Variants in PARD3B observed in about 807,000 individuals in gnomAD.
PARD3B encodes partitioning defective 3 homolog B.
In PARD3B, 103 loss-of-function variants were observed where a neutral mutation model predicts 130.2. The ratio of observed to expected loss-of-function variants is 0.79; its 90% CI spans 0.67 to 0.93. PARD3B has a LOEUF of 0.93. Among genes scored for constraint, PARD3B ranks in the 40% least tolerant of loss-of-function variants. The probability of loss-of-function intolerance (pLI) is 0.00; values close to 1 mark genes in which losing one functional copy is unlikely to be tolerated. For synonymous variants in PARD3B, 583 were observed against 553.2 expected, an observed-to-expected ratio of 1.05 and a Z score of -0.76; for missense variants, 1,609 against 1,499.2, an observed-to-expected ratio of 1.07 and a Z score of -1.21.
At chr2:205,559,100 G>A (rs966580587) in intron 22 of PARD3B, among the ~76,000 whole-genome samples, 6 of 152,114 alleles carry the variant, frequency 3.9e-5, no homozygotes, top group Non-Finnish European at 5.9e-5. Context: ...CTCTACCCAG[G>A]TGGAGGCCTA....
chr2:204,766,713 A>G (rs947314170), intron 2 of PARD3B, among the ~76,000 whole-genome samples: 22 of 152,106 alleles, frequency 1.4e-4, no homozygotes, highest in African/African-American at 5.3e-4. Flanking sequence ...AACTAAAAAA[A>G]AATTTGAGGA....
At chr2:205,326,555 A>G (rs1174317056) in intron 18 of PARD3B, among the ~76,000 whole-genome samples, 2 of 152,206 alleles carry the variant, frequency 1.3e-5, no homozygotes, top group East Asian at 1.9e-4. Context: ...TATCATCTCT[A>G]TGACCACTTT....
intron 2 of PARD3B, among the ~76,000 whole-genome samples, chr2:204,918,528 G>T (rs1292703132): frequency 6.6e-6 from 1 of 150,764 alleles, no homozygotes; most frequent in East Asian, 1.9e-4. Flanking sequence ...TACTTGGGAG[G>T]CTGAGGCAGG....
At chr2:205,009,914 G>A (rs1348610026) in intron 3 of PARD3B, among the ~76,000 whole-genome samples, 1 of 152,084 alleles carries the variant, frequency 6.6e-6, no homozygotes, top group African/African-American at 2.4e-5. Flanking sequence ...TCAGTATTTA[G>A]CCAGGCATTG....
At position 205,233,590 on chromosome 2, in the gene PARD3B, G is replaced by A. The variant is rs1286835199; in HGVS notation, c.2141-12188G>A. On this transcript the variant is annotated intron_variant, in intron 15 of 22. Coordinates refer to ENST00000406610, the MANE Select transcript of PARD3B (RefSeq NM_001302769.2). ...CAATAACAGCACAGAGGCTGTGAGG[G>A]GAGACATTGAAATACAGATCCCTCT... Among the ~76,000 whole-genome samples the A allele has an allele frequency of 2.0e-5, 3 of 152,074 alleles. No homozygotes were observed. In the East Asian group the frequency reaches 5.8e-4, roughly 29 times the overall value.
chr2:205,437,443 G>GT (rs1369068273), intron 19 of PARD3B, among the ~76,000 whole-genome samples: 1 of 152,176 alleles, frequency 6.6e-6, no homozygotes, highest in Admixed American at 6.6e-5. Context: ...ATCTAGGCCA[G>GT]TACAGTCCAA....
chr2:204,943,261 A>G lies in PARD3B; in HGVS notation c.223-21891A>G, dbSNP rs1689057716. On this transcript the variant is annotated intron_variant, in intron 2 of 22. Transcript: ENST00000406610. The surrounding 1 kb of genome is among the most constrained non-coding windows in gnomAD (Gnocchi z 4.2). ...GTTTCTCTCTGCTTTTCTCAAACCT[A>G]ATTATTTTCTCTCCTAAAAGGACGG... 6.6e-6 allele frequency among the ~76,000 whole-genome samples: 1 copy of G among 151,806 alleles called. No individual in the cohort carries two copies. Among genetic ancestry groups the G allele is most frequent in the African/African-American group, 2.4e-5 (1 of 41,298 alleles).
chr2:205,206,217 T>C (rs1237217901), intron 15 of PARD3B, among the ~76,000 whole-genome samples: 19 of 85,060 alleles, frequency 2.2e-4, no homozygotes, highest in Admixed American at 1.0e-3. Context: ...TTTTTTTTTC[T>C]TTTTTTTTTT....
At chr2:204,763,426 A>C (rs1382245574) in intron 2 of PARD3B, among the ~76,000 whole-genome samples, 1 of 149,700 alleles carries the variant, frequency 6.7e-6, no homozygotes, top group Non-Finnish European at 1.5e-5. Flanking sequence ...TTGCCTAAAT[A>C]AATTAGCTTC....
intron 2 of PARD3B, among the ~76,000 whole-genome samples, chr2:204,913,421 G>A (rs905271667): frequency 7.2e-5 from 11 of 152,110 alleles, no homozygotes; most frequent in South Asian, 4.1e-4. Flanking sequence ...GAGATAATGC[G>A]TGCAAAAGTG....
chr2:205,530,852 C>T lies in PARD3B; in HGVS notation c.3181-22472C>T, dbSNP rs1001700863. 1.3e-5 allele frequency among the ~76,000 whole-genome samples: 2 copies of T among 152,092 alleles called. No homozygotes were observed. The highest frequency in any genetic ancestry group is 4.8e-5 in the African/African-American group (2 of 41,408). On this transcript the variant is annotated intron_variant, in intron 21 of 22. Transcript: ENST00000406610. The surrounding 1 kb of genome is among the most constrained non-coding windows in gnomAD (Gnocchi z 4.7). The stretch of plus-strand genomic sequence containing the variant: ...GAAACGATGACTCTAGAGGCATGAC[C>T]CACCTGGATAAGAATTGTTGTAAAG...
chr2:205,113,023 T>C (rs1349988499), intron 5 of PARD3B, among the ~76,000 whole-genome samples: 2 of 152,196 alleles, frequency 1.3e-5, no homozygotes, highest in Non-Finnish European at 2.9e-5. Flanking sequence ...CACGTAATTC[T>C]GTGCTTTTTC....
At chr2:205,006,145 T>C (rs1005661232) in intron 3 of PARD3B, among the ~76,000 whole-genome samples, 52 of 152,192 alleles carry the variant, frequency 3.4e-4, no homozygotes, top group African/African-American at 1.2e-3. Flanking sequence ...CATTATTTCA[T>C]TCCTTTTTTA....
chr2:204,641,155 A>G (rs2035063832), intron 1 of PARD3B, among the ~76,000 whole-genome samples: 1 of 148,724 alleles, frequency 6.7e-6, no homozygotes, highest in Non-Finnish European at 1.5e-5. Context: ...TATTATCTTT[A>G]TCAGATAGAG....
intron 2 of PARD3B, among the ~76,000 whole-genome samples, chr2:204,945,339 A>G (rs532739509): frequency 3.9e-5 from 6 of 152,292 alleles, no homozygotes; most frequent in Admixed American, 1.3e-4. Flanking sequence ...CAGGATATAG[A>G]AACTGCATAC....
intron 16 of PARD3B, among the ~76,000 whole-genome samples, chr2:205,297,995 T>C (rs992396041): frequency 6.6e-6 from 1 of 152,226 alleles, no homozygotes; most frequent in African/African-American, 2.4e-5. Context: ...TCTTCTTAGC[T>C]ATGACTTCTT....
At chr2:204,972,688 G>A (rs1470388510) in intron 3 of PARD3B, among the ~76,000 whole-genome samples, 4 of 152,052 alleles carry the variant, frequency 2.6e-5, no homozygotes, top group African/African-American at 9.7e-5. Flanking sequence ...TTTTCCAGCT[G>A]TATTTTCTAA....
intron 2 of PARD3B, among the ~76,000 whole-genome samples, chr2:204,694,632 C>T (rs536445566): frequency 1.3e-5 from 2 of 152,136 alleles, no homozygotes; most frequent in Non-Finnish European, 2.9e-5. Context: ...CATGTTTCAA[C>T]CTCAGAGAAG....
intron 1 of PARD3B, among the ~76,000 whole-genome samples, chr2:204,646,789 TG>T (rs2035291478): frequency 6.6e-6 from 1 of 151,998 alleles, no homozygotes; most frequent in African/African-American, 2.4e-5. Context: ...TCCTTTATAA[TG>T]GGGTCACATC....
Sources: gnomAD v4.1 joint callset for allele counts (sites outside exome capture counted in the v4.1 genomes callset) on GRCh38, gnomAD v4.1.1 for gene constraint, Gnocchi (gnomAD v3.1) non-coding constraint, MANE v1.5 for transcripts, NCBI Gene and HGNC (gene_info 2026-07-23, HGNC 2026-07-21) for gene names.